Variants in DRC9 observed in about 807,000 individuals in gnomAD.
DRC9 encodes dynein regulatory complex protein 9.
chr3:197,934,660 G>A, the DRC9 span, among the ~76,000 whole-genome samples: 1 of 151,916 alleles, frequency 6.6e-6, no homozygotes, highest in Non-Finnish European at 1.5e-5. Context: ...TGTTCTTCAT[G>A]ATCCTCTCCT....
chr3:197,896,628 C>T, the DRC9 span, among the ~76,000 whole-genome samples: 2 of 152,190 alleles, frequency 1.3e-5, no homozygotes, highest in African/African-American at 4.8e-5. Context: ...GTTCTGGAGG[C>T]TGGGAAGTCC....
chr3:197,906,205 C>G, the DRC9 span, among the ~76,000 whole-genome samples: 1 of 152,172 alleles, frequency 6.6e-6, no homozygotes. Flanking sequence ...TGTCCGGTCA[C>G]CAGAGTGCGG....
the DRC9 span, among the ~76,000 whole-genome samples, chr3:197,909,965 G>T: frequency 6.6e-6 from 1 of 152,118 alleles, no homozygotes; most frequent in African/African-American, 2.4e-5. Flanking sequence ...ACTCCAGCCT[G>T]GGCAACAGAG....
the DRC9 span, chr3:197,959,456 ATCT>A: frequency 1.8e-4 from 28 of 152,344 alleles, no homozygotes; most frequent in Middle Eastern, 3.4e-3. Flanking sequence ...TCGTAGCTGA[ATCT>A]CCACCCATAG....
chr3:197,913,181 C>G, the DRC9 span: 1 of 169,272 alleles, frequency 5.9e-6, no homozygotes, highest in African/African-American at 2.4e-5. Flanking sequence ...GCCTGCTGCT[C>G]TTTCTTGTTT....
the DRC9 span, chr3:197,913,358 G>C: frequency 1.6e-5 from 3 of 189,928 alleles, no homozygotes; most frequent in African/African-American, 5.4e-5. Flanking sequence ...GTGTGCGTGC[G>C]TGCGTGTGTG....
the DRC9 span, chr3:197,956,270 ATGCAT>A: frequency 1.1e-3 from 186 of 174,632 alleles, no homozygotes; most frequent in African/African-American, 3.9e-3. Context: ...TTGTGATACT[ATGCAT>A]TTGTTCAATG....
At chr3:197,920,986 ATCT>A in the DRC9 span, among the ~76,000 whole-genome samples, 1 of 152,104 alleles carries the variant, frequency 6.6e-6, no homozygotes, top group Non-Finnish European at 1.5e-5. Context: ...TATACTTCCT[ATCT>A]TCTTGTTTTC....
chr3:197,896,044 TAAAA>T, the DRC9 span, among the ~76,000 whole-genome samples: 1 of 112,052 alleles, frequency 8.9e-6, no homozygotes, highest in Non-Finnish European at 1.9e-5. Flanking sequence ...AATGAAAAGT[TAAAA>T]AAAAAAAAAA....
the DRC9 span, among the ~76,000 whole-genome samples, chr3:197,899,838 G>A: frequency 6.6e-6 from 1 of 152,100 alleles, no homozygotes; most frequent in South Asian, 2.1e-4. Context: ...GCAGTACCTG[G>A]TTTTAACTTC....
chr3:197,942,738 A>T, the DRC9 span, among the ~76,000 whole-genome samples: 1 of 151,810 alleles, frequency 6.6e-6, no homozygotes, highest in African/African-American at 2.4e-5. Flanking sequence ...ACCAACATGG[A>T]GAAACTCCGT....
the DRC9 span, among the ~76,000 whole-genome samples, chr3:197,908,090 G>A: frequency 6.7e-6 from 1 of 150,186 alleles, no homozygotes; most frequent in East Asian, 2.0e-4. Flanking sequence ...GTTATCACAG[G>A]GGTGACTGTA....
chr3:197,946,231 C>A, the DRC9 span, among the ~76,000 whole-genome samples: 1 of 151,220 alleles, frequency 6.6e-6, no homozygotes, highest in Non-Finnish European at 1.5e-5. Context: ...GTCAGGAGAT[C>A]GAGACCATCC....
the DRC9 span, among the ~76,000 whole-genome samples, chr3:197,940,222 C>G: frequency 1.3e-5 from 2 of 151,750 alleles, no homozygotes; most frequent in African/African-American, 4.8e-5. Context: ...TCTCAAACTC[C>G]TGACCTCAGG....
chr3:197,921,130 T>C, the DRC9 span, among the ~76,000 whole-genome samples: 1 of 133,224 alleles, frequency 7.5e-6, no homozygotes, highest in Non-Finnish European at 1.5e-5. Flanking sequence ...ACCCGACTAC[T>C]GGTTTTCAGT....
chr3:197,957,255 A>G, the DRC9 span: 10 of 152,116 alleles, frequency 6.6e-5, no homozygotes, highest in African/African-American at 2.4e-4. Flanking sequence ...CTAACCTACA[A>G]AGAGGGTAGT....
chr3:197,947,769 C>G, the DRC9 span, among the ~76,000 whole-genome samples: 1 of 152,074 alleles, frequency 6.6e-6, no homozygotes, highest in Non-Finnish European at 1.5e-5. Flanking sequence ...CCTGCTCCTT[C>G]TCTGCCAGAA....
chr3:197,899,833 A>G, the DRC9 span, among the ~76,000 whole-genome samples: 28 of 152,212 alleles, frequency 1.8e-4, no homozygotes, highest in Admixed American at 1.8e-3. Context: ...CAATCGCAGT[A>G]CCTGGTTTTA....
the DRC9 span, among the ~76,000 whole-genome samples, chr3:197,939,489 G>T: frequency 5.3e-5 from 8 of 152,192 alleles, no homozygotes; most frequent in Non-Finnish European, 8.8e-5. Context: ...CCGCAGGAAC[G>T]GCCTATGCCT....
Sources: gnomAD v4.1 joint callset for allele counts (sites outside exome capture counted in the v4.1 genomes callset) on GRCh38, gnomAD v4.1.1 for gene constraint, MANE v1.5 for transcripts, NCBI Gene and HGNC (gene_info 2026-07-23, HGNC 2026-07-21) for gene names.